Variants in HMGCLL1 observed in about 807,000 individuals in gnomAD.
The protein encoded by HMGCLL1 is 3-hydroxy-3-methylglutaryl-CoA lyase like 1, also known as 3-hydroxymethyl-3-methylglutaryl-CoA lyase, cytoplasmic.
HMGCLL1 carries 36 observed loss-of-function variants against 39.1 expected under a neutral mutation model. That is an observed-to-expected ratio of 0.92 (90% CI 0.71 to 1.22). HMGCLL1 has a LOEUF of 1.22. Among genes scored for constraint, HMGCLL1 ranks in the 50% most tolerant of loss-of-function variants. The pLI is 0.00. For missense variants in HMGCLL1, 451 were observed against 416.5 expected (o/e 1.08, Z -0.72); for synonymous variants, 149 against 144.0 (o/e 1.03, Z -0.25).
At position 55,490,232 on chromosome 6, in the gene HMGCLL1, T is replaced by C. The variant is rs1455880847; in HGVS notation, c.795+5187A>G. Among the ~76,000 whole-genome samples, 3 of 152,114 alleles carry C rather than the reference T, an allele frequency of 2.0e-5. No individual in the cohort carries two copies. In the East Asian group the frequency reaches 5.8e-4, roughly 29 times the overall value. On this transcript the variant is annotated intron_variant, in intron 7 of 8. Transcript: ENST00000274901. Reference sequence around the variant, plus strand: ...CCTTGGTCCAGTGAGCTGTGACTTGTGAGAATGGAGATCACAATGTATATT... The same window carrying C: ...CCTTGGTCCAGTGAGCTGTGACTTGCGAGAATGGAGATCACAATGTATATT...
chr6:55,548,132 T>C (rs1770098707), intron 1 of HMGCLL1, among the ~76,000 whole-genome samples: 1 of 152,030 alleles, frequency 6.6e-6, no homozygotes, highest in South Asian at 2.1e-4. Context: ...AAACAATATG[T>C]CTTAACTTAC....
At chr6:55,521,486 A>ATG (rs1768041280) in intron 3 of HMGCLL1, among the ~76,000 whole-genome samples, 1 of 152,104 alleles carries the variant, frequency 6.6e-6, no homozygotes. Context: ...TTCCAACAGA[A>ATG]TGTGCTCACT....
chr6:55,670,578 AG>A, the HMGCLL1 span, among the ~76,000 whole-genome samples: 2 of 151,820 alleles, frequency 1.3e-5, no homozygotes, highest in South Asian at 4.1e-4. Context: ...GGGAATGTAA[AG>A]GAATTTATAT....
the HMGCLL1 span, among the ~76,000 whole-genome samples, chr6:55,623,406 C>T: frequency 6.6e-6 from 1 of 151,746 alleles, no homozygotes; most frequent in African/African-American, 2.4e-5. Context: ...CCTCTTGGTA[C>T]CACTTTTGCT....
chr6:55,590,391 A>G, the HMGCLL1 span, among the ~76,000 whole-genome samples: 8 of 152,164 alleles, frequency 5.3e-5, no homozygotes, highest in Non-Finnish European at 8.8e-5. Context: ...ACCTTATATG[A>G]AAATTAATTC....
the HMGCLL1 span, among the ~76,000 whole-genome samples, chr6:55,617,345 C>T: frequency 3.3e-3 from 508 of 152,146 alleles, 5 homozygotes; most frequent in Middle Eastern, 0.01. Flanking sequence ...TCTTGGAAAC[C>T]GCATGCTAAA....
chr6:55,626,545 C>T, the HMGCLL1 span, among the ~76,000 whole-genome samples: 1 of 152,038 alleles, frequency 6.6e-6, no homozygotes, highest in African/African-American at 2.4e-5. Flanking sequence ...ATTCAGCATC[C>T]AATATATGGT....
the HMGCLL1 span, among the ~76,000 whole-genome samples, chr6:55,650,560 T>G: frequency 6.6e-6 from 1 of 151,964 alleles, no homozygotes; most frequent in Non-Finnish European, 1.5e-5. Flanking sequence ...GGAGGTGCAC[T>G]TCGTCTAACA....
chr6:55,548,783 A>ATCGCGCC (rs1561955139), intron 1 of HMGCLL1, among the ~76,000 whole-genome samples: 1 of 151,876 alleles, frequency 6.6e-6, no homozygotes, highest in African/African-American at 2.4e-5. Flanking sequence ...TAGATTAGAG[A>ATCGCGCC]ATATTAAGTA....
intron 1 of HMGCLL1, among the ~76,000 whole-genome samples, chr6:55,546,159 TTCC>T (rs1769960058): frequency 1.3e-5 from 2 of 152,148 alleles, no homozygotes; most frequent in African/African-American, 4.8e-5. Context: ...ATAAAAATTG[TTCC>T]TCAATACTAT....
chr6:55,651,531 G>C, the HMGCLL1 span, among the ~76,000 whole-genome samples: 1 of 152,078 alleles, frequency 6.6e-6, no homozygotes, highest in Non-Finnish European at 1.5e-5. Flanking sequence ...TCCTTGCTAA[G>C]AGCTGCGCTG....
intron 1 of HMGCLL1, among the ~76,000 whole-genome samples, chr6:55,574,633 A>G (rs1771676022): frequency 6.6e-6 from 1 of 151,970 alleles, no homozygotes; most frequent in Non-Finnish European, 1.5e-5. Flanking sequence ...ACAAATAAAG[A>G]ATACATGAGA....
chr6:55,593,682 T>C, the HMGCLL1 span, among the ~76,000 whole-genome samples: 1 of 152,164 alleles, frequency 6.6e-6, no homozygotes, highest in Non-Finnish European at 1.5e-5. Context: ...TTGAAATACA[T>C]GGTATATATT....
At chr6:55,443,436 A>G (rs995368297) in intron 7 of HMGCLL1, among the ~76,000 whole-genome samples, 1 of 152,172 alleles carries the variant, frequency 6.6e-6, no homozygotes, top group South Asian at 2.1e-4. Context: ...CCCTGCAACT[A>G]CAGGAGTCCC....
At chr6:55,452,537 T>G (rs1324439422) in intron 7 of HMGCLL1, among the ~76,000 whole-genome samples, 1 of 152,198 alleles carries the variant, frequency 6.6e-6, no homozygotes, top group East Asian at 1.9e-4. Flanking sequence ...ACCAGCTTTG[T>G]TTTTGGAAGT....
intron 7 of HMGCLL1, among the ~76,000 whole-genome samples, chr6:55,487,391 C>T (rs1328051634): frequency 1.3e-5 from 2 of 152,002 alleles, no homozygotes; most frequent in Non-Finnish European, 2.9e-5. Context: ...TGGTTTGCTG[C>T]ACCTATCAAC....
the HMGCLL1 span, among the ~76,000 whole-genome samples, chr6:55,673,083 T>C: frequency 6.6e-6 from 1 of 151,984 alleles, no homozygotes; most frequent in African/African-American, 2.4e-5. Context: ...TATGCAACCT[T>C]CCTATGGAAT....
chr6:55,530,387 CTT>C (rs1467190720), intron 3 of HMGCLL1, among the ~76,000 whole-genome samples: 2 of 151,700 alleles, frequency 1.3e-5, no homozygotes, highest in Non-Finnish European at 2.9e-5. Flanking sequence ...CAAAATATAT[CTT>C]ATATATTAAC....
At chr6:55,659,563 T>C in the HMGCLL1 span, among the ~76,000 whole-genome samples, 2 of 151,868 alleles carry the variant, frequency 1.3e-5, no homozygotes, top group Admixed American at 6.6e-5. Flanking sequence ...AAGAGGGTGA[T>C]TTTTCCAGAC....
Sources: allele counts gnomAD v4.1 joint callset (sites outside exome capture counted in the v4.1 genomes callset), GRCh38; gene constraint gnomAD v4.1.1; transcripts MANE v1.5; gene names NCBI Gene and HGNC (gene_info 2026-07-23, HGNC 2026-07-21).